The following CALN1 variants were observed in gnomAD, a reference collection of about 807,000 sequenced individuals.
The protein encoded by CALN1 is calcium-binding protein 8.
CALN1 carries 17 observed loss-of-function variants against 30.6 expected under a neutral mutation model. That is an observed-to-expected ratio of 0.56 (90% CI 0.38 to 0.83). The LOEUF (loss-of-function observed/expected upper bound fraction) is 0.83. Among genes scored for constraint, CALN1 ranks in the 40% least tolerant of loss-of-function variants. CALN1 has a pLI of 0.00. For synonymous variants in CALN1, 156 were observed against 131.4 expected (o/e 1.19, Z -1.28); for missense variants, 291 against 354.9 (o/e 0.82, Z 1.45).
intron 5 of CALN1, among the ~76,000 whole-genome samples, chr7:71,963,452 T>C (rs1435829222): frequency 2.0e-5 from 3 of 152,090 alleles, no homozygotes; most frequent in Non-Finnish European, 4.4e-5. Context: ...TGAGCCACTG[T>C]GCCCAGCCCA....
chr7:72,249,645 T>A (rs890947740), intron 3 of CALN1, among the ~76,000 whole-genome samples: 4 of 152,064 alleles, frequency 2.6e-5, no homozygotes, highest in African/African-American at 7.2e-5. Context: ...CTACAAAAAA[T>A]ACAAAAATTA....
At chr7:72,226,540 A>G (rs1444322047) in intron 3 of CALN1, among the ~76,000 whole-genome samples, 1 of 152,210 alleles carries the variant, frequency 6.6e-6, no homozygotes, top group Non-Finnish European at 1.5e-5. Context: ...CCTCTAAGAC[A>G]TATCACTGAA....
chr7:71,896,293 G>T (rs114799013), intron 5 of CALN1, among the ~76,000 whole-genome samples: 27 of 152,160 alleles, frequency 1.8e-4, no homozygotes, highest in African/African-American at 4.8e-4. Flanking sequence ...ACATAAACTC[G>T]ACAATTGAGG....
At chr7:72,150,491 G>A (rs941280852) in intron 3 of CALN1, among the ~76,000 whole-genome samples, 4 of 152,150 alleles carry the variant, frequency 2.6e-5, no homozygotes, top group African/African-American at 4.8e-5. Context: ...TGAGATGACC[G>A]GGAGGGTAAG....
At chr7:72,316,534 G>A (rs1045009195) in intron 2 of CALN1, among the ~76,000 whole-genome samples, 1 of 152,098 alleles carries the variant, frequency 6.6e-6, no homozygotes, top group African/African-American at 2.4e-5. Flanking sequence ...GCCTGAAACT[G>A]TCATCAATGA....
intron 2 of CALN1, among the ~76,000 whole-genome samples, chr7:72,392,271 G>A (rs975579550): frequency 6.6e-6 from 1 of 152,156 alleles, no homozygotes; most frequent in Non-Finnish European, 1.5e-5. Flanking sequence ...CAGACATCTC[G>A]GAGCAGATAC....
intron 5 of CALN1, among the ~76,000 whole-genome samples, chr7:71,847,689 A>G (rs1360823663): frequency 1.4e-5 from 2 of 142,930 alleles, no homozygotes; most frequent in African/African-American, 5.6e-5. Context: ...CAAAAAAAAA[A>G]AGGAGGAAGA....
intron 3 of CALN1, among the ~76,000 whole-genome samples, chr7:72,197,458 C>G (rs1003959783): frequency 6.6e-6 from 1 of 152,022 alleles, no homozygotes; most frequent in East Asian, 1.9e-4. Context: ...CCTTGGCCTC[C>G]CAAAGCGCTG....
chr7:71,855,669 C>T (rs954972266), intron 5 of CALN1, among the ~76,000 whole-genome samples: 4 of 152,168 alleles, frequency 2.6e-5, no homozygotes, highest in African/African-American at 9.7e-5. Flanking sequence ...CCCCTAGTGG[C>T]AGTGAGGGTC....
intron 2 of CALN1, among the ~76,000 whole-genome samples, chr7:72,307,943 C>T (rs1349304545): frequency 1.3e-5 from 2 of 151,942 alleles, no homozygotes; most frequent in Non-Finnish European, 2.9e-5. Context: ...GTGAGTTCAC[C>T]AGAAGGACAT....
chr7:72,115,306 T>C (rs1437712507), intron 3 of CALN1, among the ~76,000 whole-genome samples: 1 of 148,678 alleles, frequency 6.7e-6, no homozygotes, highest in African/African-American at 2.5e-5. Context: ...ACTGCTGCTT[T>C]GTATAACTCA....
intron 3 of CALN1, among the ~76,000 whole-genome samples, chr7:72,245,231 A>T (rs1235298202): frequency 4.6e-5 from 7 of 152,330 alleles, no homozygotes; most frequent in Non-Finnish European, 5.9e-5. Flanking sequence ...GGTAAGGACA[A>T]CATCATCTGA....
intron 3 of CALN1, among the ~76,000 whole-genome samples, chr7:72,187,412 C>T (rs577058011): frequency 5.9e-5 from 9 of 152,216 alleles, no homozygotes; most frequent in South Asian, 4.2e-4. Flanking sequence ...TGTTAGGAAC[C>T]GGGCCACACA....
At chr7:71,877,885 C>G (rs941587534) in intron 5 of CALN1, among the ~76,000 whole-genome samples, 2 of 152,156 alleles carry the variant, frequency 1.3e-5, no homozygotes, top group Non-Finnish European at 2.9e-5. Context: ...AGTCAATATA[C>G]AAGCATCTAG....
At chr7:71,962,226 CT>C (rs1360637026) in intron 5 of CALN1, among the ~76,000 whole-genome samples, 1 of 113,394 alleles carries the variant, frequency 8.8e-6, no homozygotes, top group South Asian at 3.1e-4. Flanking sequence ...GACCCCATCT[CT>C]AAAAAAAAAA....
chr7:72,223,772 G>T (rs1016886477), intron 3 of CALN1, among the ~76,000 whole-genome samples: 1 of 152,174 alleles, frequency 6.6e-6, no homozygotes, highest in Non-Finnish European at 1.5e-5. Context: ...CAGTGGATTG[G>T]GTAAAGAAAA....
chr7:72,437,532 G>A (rs1327265651), intron 1 of CALN1, among the ~76,000 whole-genome samples: 1 of 151,946 alleles, frequency 6.6e-6, no homozygotes, highest in East Asian at 1.9e-4. Context: ...TGGAGTGTGT[G>A]TGTGTGTGTG....
At chr7:72,137,235 T>G (rs943878302) in intron 3 of CALN1, among the ~76,000 whole-genome samples, 1 of 152,134 alleles carries the variant, frequency 6.6e-6, no homozygotes, top group African/African-American at 2.4e-5. Flanking sequence ...GGGTTTATCT[T>G]AGGGTTGGGA....
rs114085299 is a variant in CALN1 at position 71,934,600 on chromosome 7, C to T, written c.501+89057G>A. Among the ~76,000 whole-genome samples, 1,029 of 152,236 alleles carry T rather than the reference C, an allele frequency of 6.8e-3. 13 individuals are homozygous for T. Among genetic ancestry groups the T allele is most frequent in the African/African-American group, 0.022 (900 of 41,532 alleles). ...CCAGCTCTTGAATGAACTAACAGAA[C>T]GAGAACTCACTCATTACCATGGGGA... On this transcript the variant is annotated intron_variant, in intron 5 of 6. Transcript: ENST00000395275.
Sources: gnomAD v4.1 joint callset for allele counts (sites outside exome capture counted in the v4.1 genomes callset) on GRCh38, gnomAD v4.1.1 for gene constraint, MANE v1.5 for transcripts, NCBI Gene and HGNC (gene_info 2026-07-23, HGNC 2026-07-21) for gene names.